Variants in GPC5 observed in about 807,000 individuals in gnomAD.
GPC5 encodes glypican-5.
Under a neutral mutation model 53.9 loss-of-function variants are expected in GPC5, and 47 were observed. The observed-to-expected ratio is 0.87, with a 90% CI of 0.69 to 1.11. The LOEUF (loss-of-function observed/expected upper bound fraction) is 1.11. Ranked by LOEUF, GPC5 falls within the 50% of genes most tolerant of loss-of-function variation. The pLI is 0.00. For missense variants in GPC5, 748 were observed against 713.1 expected (o/e 1.05, Z -0.56); for synonymous variants, 286 against 263.3 (o/e 1.09, Z -0.84).
intron 7 of GPC5, among the ~76,000 whole-genome samples, chr13:92,748,314 A>G (rs181701937): frequency 1.0e-5 from 1 of 97,014 alleles, no homozygotes. Flanking sequence ...ATTTTATTTT[A>G]TTATTATTAT....
intron 2 of GPC5, among the ~76,000 whole-genome samples, chr13:91,478,822 T>TATATATATATATATATATACACAC (rs1323023652): frequency 1.1e-5 from 1 of 92,164 alleles, no homozygotes; most frequent in African/African-American, 5.2e-5. Context: ...TATATATATA[T>TATATATATATATATATATACACAC]ACACACACAC....
Position 91,492,780 on chromosome 13 carries a change from T to G in GPC5, c.325+43858T>G, listed in dbSNP as rs149123041. Among the ~76,000 whole-genome samples, 82 of 152,342 alleles carry G rather than the reference T, an allele frequency of 5.4e-4. 4 individuals carry two copies. In the East Asian group the frequency reaches 0.013, roughly 24 times the overall value. On this transcript the variant is annotated intron_variant, in intron 2 of 7. Coordinates refer to ENST00000377067, the MANE Select transcript of GPC5 (RefSeq NM_004466.6). The stretch of plus-strand genomic sequence containing the variant: ...ACGATCATCCTTCCAATGTGTTAAC[T>G]TTTTGACTGCTCAGTTTCCTTTCTT...
chr13:92,230,484 C>G (rs957057753), intron 7 of GPC5, among the ~76,000 whole-genome samples: 4 of 152,004 alleles, frequency 2.6e-5, no homozygotes, highest in Non-Finnish European at 4.4e-5. Context: ...ATAAAATCTT[C>G]TCTTTTTGCT....
intron 2 of GPC5, among the ~76,000 whole-genome samples, chr13:91,467,044 G>A (rs1882285667): frequency 6.6e-6 from 1 of 152,110 alleles, no homozygotes; most frequent in Admixed American, 6.6e-5. Context: ...ATTGATCTTA[G>A]TTACCAGACA....
At chr13:91,690,363 A>G (rs2035731870) in intron 2 of GPC5, among the ~76,000 whole-genome samples, 1 of 152,130 alleles carries the variant, frequency 6.6e-6, no homozygotes, top group African/African-American at 2.4e-5. Context: ...ATCAGAGAAA[A>G]ACTACTCTAA....
At chr13:92,372,205 T>C (rs939893478) in intron 7 of GPC5, among the ~76,000 whole-genome samples, 2 of 152,196 alleles carry the variant, frequency 1.3e-5, no homozygotes, top group African/African-American at 4.8e-5. Context: ...ATCTATGAGA[T>C]GATCATGTGT....
At chr13:92,299,417 C>T (rs1176687763) in intron 7 of GPC5, among the ~76,000 whole-genome samples, 1 of 152,096 alleles carries the variant, frequency 6.6e-6, no homozygotes, top group Non-Finnish European at 1.5e-5. Context: ...TCCAGACCTC[C>T]AAAAGAGAAG....
intron 7 of GPC5, among the ~76,000 whole-genome samples, chr13:92,613,577 A>T (rs1252491660): frequency 8.4e-6 from 1 of 119,614 alleles, no homozygotes; most frequent in Non-Finnish European, 1.6e-5. Flanking sequence ...TATATAATAT[A>T]TAATATTTTA....
intron 7 of GPC5, among the ~76,000 whole-genome samples, chr13:92,596,437 T>C (rs988127644): frequency 6.6e-6 from 1 of 152,050 alleles, no homozygotes; most frequent in African/African-American, 2.4e-5. Flanking sequence ...AAGGTTTATA[T>C]ATATACATAT....
At chr13:92,632,994 G>A (rs748973064) in intron 7 of GPC5, among the ~76,000 whole-genome samples, 11 of 152,058 alleles carry the variant, frequency 7.2e-5, no homozygotes, top group Non-Finnish European at 1.3e-4. Flanking sequence ...GGGTTCAAGC[G>A]GTTCTCCTGC....
chr13:91,737,538 T>G lies in GPC5; in HGVS notation c.1154+8873T>G, dbSNP rs181491035. 6.0e-4 allele frequency among the ~76,000 whole-genome samples: 91 copies of G among 151,520 alleles called. 7 individuals are homozygous for G. The highest frequency in any genetic ancestry group is 2.0e-3 in the African/African-American group (81 of 40,836). ...ATAGGAATTGTAAAATCCATCAGCGTCTTTGCCAACATAAATGAAAATAAA... is the reference window on the plus strand; with the variant it reads ...ATAGGAATTGTAAAATCCATCAGCGGCTTTGCCAACATAAATGAAAATAAA... On this transcript the variant is annotated intron_variant, in intron 4 of 7. Coordinates refer to ENST00000377067, the MANE Select transcript of GPC5 (RefSeq NM_004466.6).
chr13:92,838,929 A>T (rs1212063985), intron 7 of GPC5, among the ~76,000 whole-genome samples: 1 of 152,236 alleles, frequency 6.6e-6, no homozygotes, highest in African/African-American at 2.4e-5. Flanking sequence ...CTTTAAACTC[A>T]GCACAATACT....
Position 92,265,046 on chromosome 13 carries a change from A to G in GPC5, c.1561+120057A>G, listed in dbSNP as rs145083359. Among the ~76,000 whole-genome samples the G allele has an allele frequency of 2.7e-4, 41 of 152,068 alleles. No individual in the cohort carries two copies. In the East Asian group the frequency reaches 8.0e-3, roughly 30 times the overall value. Reference sequence around the variant, plus strand: ...CACCTTTCTGAAAACTTTGCCCTCAAGAGCCTACCTTTCTTGGAAAATTTT... The same window carrying G: ...CACCTTTCTGAAAACTTTGCCCTCAGGAGCCTACCTTTCTTGGAAAATTTT... On this transcript the variant is annotated intron_variant, in intron 7 of 7. Coordinates refer to ENST00000377067, the MANE Select transcript of GPC5 (RefSeq NM_004466.6).
chr13:91,924,996 CT>C (rs1276863353), intron 6 of GPC5, among the ~76,000 whole-genome samples: 1 of 151,862 alleles, frequency 6.6e-6, no homozygotes, highest in African/African-American at 2.4e-5. Context: ...ATTTTTTGTA[CT>C]TTTAGTAAAG....
intron 6 of GPC5, among the ~76,000 whole-genome samples, chr13:92,117,303 T>C (rs1451355836): frequency 6.6e-6 from 1 of 152,218 alleles, no homozygotes; most frequent in Non-Finnish European, 1.5e-5. Flanking sequence ...TATATTTGTG[T>C]AATTTTATTT....
chr13:92,836,430 A>C (rs1594538930), intron 7 of GPC5, among the ~76,000 whole-genome samples: 1 of 152,088 alleles, frequency 6.6e-6, no homozygotes, highest in East Asian at 1.9e-4. Context: ...ACAACAACAA[A>C]AAAATCATCT....
In GPC5 at chr13:91,906,976, TA is replaced by T. The variant is rs1342456581; in HGVS notation, c.1281-960del. ...TATGATATTGCCTTGTACAGTTATA[TA>T]TTTTTTATATATTTTATATATATAT... On this transcript the variant is annotated intron_variant, in intron 5 of 7. Coordinates refer to ENST00000377067, the MANE Select transcript of GPC5 (RefSeq NM_004466.6). Among the ~76,000 whole-genome samples the T allele has an allele frequency of 3.3e-5, 5 of 150,360 alleles. No homozygotes were observed. The Admixed American group carries it at 3.3e-4, about 10-fold the overall frequency.
chr13:92,199,545 GACTTGAAATACTGTCT>G (rs1485997229), intron 7 of GPC5, among the ~76,000 whole-genome samples: 1 of 151,988 alleles, frequency 6.6e-6, no homozygotes, highest in African/African-American at 2.4e-5. Flanking sequence ...ATAAAATATT[GACTTGAAATACTGTCT>G]ACTTTCAATT....
At chr13:91,561,817 A>G (rs1051028631) in intron 2 of GPC5, among the ~76,000 whole-genome samples, 1 of 152,138 alleles carries the variant, frequency 6.6e-6, no homozygotes, top group South Asian at 2.1e-4. Flanking sequence ...GGTTTTCCAG[A>G]TGTAATATTT....
Sources: allele counts gnomAD v4.1 joint callset (sites outside exome capture counted in the v4.1 genomes callset), GRCh38; gene constraint gnomAD v4.1.1; transcripts MANE v1.5; gene names NCBI Gene and HGNC (gene_info 2026-07-23, HGNC 2026-07-21).